ZNF385D: variants seen among roughly 807,000 people sequenced by gnomAD.
ZNF385D encodes the protein zinc finger protein 659.
ZNF385D carries 15 observed loss-of-function variants against 35.8 expected under a neutral mutation model. The ratio of observed to expected loss-of-function variants is 0.42; its 90% CI spans 0.28 to 0.64. ZNF385D has a LOEUF of 0.64. ZNF385D is among the 30% of genes least tolerant of loss of function. ZNF385D has a pLI of 0.23. For synonymous variants in ZNF385D, 212 were observed against 186.8 expected, an observed-to-expected ratio of 1.13 and a Z score of -1.10; for missense variants, 474 against 494.6, an observed-to-expected ratio of 0.96 and a Z score of 0.39.
At chr3:22,252,767 A>G (rs1700127399) in intron 2 of ZNF385D, among the ~76,000 whole-genome samples, 1 of 152,102 alleles carries the variant, frequency 6.6e-6, no homozygotes, top group Non-Finnish European at 1.5e-5. Flanking sequence ...CACATAGGCC[A>G]TAAAACATTA....
At chr3:21,474,050 A>G (rs544551966) in intron 4 of ZNF385D, among the ~76,000 whole-genome samples, 2 of 152,188 alleles carry the variant, frequency 1.3e-5, no homozygotes, top group East Asian at 3.9e-4. Context: ...TTATAAGTTC[A>G]TCCATTAAGT....
At chr3:22,353,233 T>G (rs1208090026) in intron 2 of ZNF385D, among the ~76,000 whole-genome samples, 1 of 152,070 alleles carries the variant, frequency 6.6e-6, no homozygotes, top group African/African-American at 2.4e-5. Context: ...GTCCCCCTAT[T>G]AGAAAAATGG....
chr3:21,840,988 G>T (rs1695637153), intron 3 of ZNF385D, among the ~76,000 whole-genome samples: 1 of 151,946 alleles, frequency 6.6e-6, no homozygotes, highest in South Asian at 2.1e-4. Context: ...GGTCAATTTA[G>T]CTTCCCTGAC....
intron 3 of ZNF385D, among the ~76,000 whole-genome samples, chr3:22,013,717 A>G (rs1049127447): frequency 1.3e-5 from 2 of 152,134 alleles, no homozygotes; most frequent in African/African-American, 4.8e-5. Context: ...GTCCCCTAAG[A>G]GACTGACAAA....
chr3:22,097,901 A>G (rs530965765), intron 3 of ZNF385D, among the ~76,000 whole-genome samples: 2 of 152,170 alleles, frequency 1.3e-5, no homozygotes, highest in South Asian at 4.1e-4. Context: ...CCTAGCCCAT[A>G]AGAACCTAGA....
chr3:22,086,564 G>A (rs1048145617), intron 3 of ZNF385D, among the ~76,000 whole-genome samples: 1 of 152,094 alleles, frequency 6.6e-6, no homozygotes, highest in South Asian at 2.1e-4. Flanking sequence ...ACAAAGAAAT[G>A]GAAGAACATT....
intron 3 of ZNF385D, among the ~76,000 whole-genome samples, chr3:21,759,479 G>T (rs957593702): frequency 3.3e-5 from 5 of 152,204 alleles, no homozygotes; most frequent in African/African-American, 9.7e-5. Context: ...TTGACAGACA[G>T]TGTAGGAAGT....
intron 3 of ZNF385D, among the ~76,000 whole-genome samples, chr3:22,132,595 C>A (rs1016968065): frequency 2.0e-5 from 3 of 151,900 alleles, no homozygotes; most frequent in Admixed American, 6.6e-5. Context: ...ACTATAAGAC[C>A]AATGTTTCAC....
chr3:22,026,077 T>C (rs1019744116), intron 3 of ZNF385D, among the ~76,000 whole-genome samples: 2 of 152,134 alleles, frequency 1.3e-5, no homozygotes, highest in South Asian at 2.1e-4. Flanking sequence ...TAATTAATCA[T>C]AGTGTTGCTA....
intron 3 of ZNF385D, among the ~76,000 whole-genome samples, chr3:21,776,167 T>A (rs1470379453): frequency 6.6e-6 from 1 of 151,968 alleles, no homozygotes. Flanking sequence ...CATTCTTTTA[T>A]TTTGGACACT....
chr3:21,994,294 G>A (rs572539199), intron 3 of ZNF385D, among the ~76,000 whole-genome samples: 3 of 152,290 alleles, frequency 2.0e-5, no homozygotes, highest in South Asian at 2.1e-4. Context: ...AAAGTGATAA[G>A]TTGAGATTAT....
chr3:21,455,919 A>G (rs555761852), intron 4 of ZNF385D, among the ~76,000 whole-genome samples: 2,053 of 152,208 alleles, frequency 0.013, 41 homozygotes, highest in African/African-American at 0.047. Flanking sequence ...TCAAAAAGTG[A>G]GCGAAGGATA....
At chr3:21,453,564 G>A (rs73044429) in intron 4 of ZNF385D, among the ~76,000 whole-genome samples, 42,060 of 151,776 alleles carry the variant, frequency 0.28, 6,481 homozygotes, top group East Asian at 0.43. Context: ...TATTTTAATA[G>A]ACATTTCTTG....
chr3:22,350,770 A>G lies in ZNF385D; in HGVS notation c.106+21680T>C, dbSNP rs529874304. On this transcript the variant is annotated intron_variant, in intron 2 of 5. Transcript: ENST00000494108. ...GACAGAGTGCTCCTTTTGAATGTGT[A>G]AAAGACATTCTTCTGTGGCACTAAA... 1.3e-4 allele frequency among the ~76,000 whole-genome samples: 20 copies of G among 152,232 alleles called. 1 individual carries two copies. In the South Asian group the frequency reaches 4.1e-3, roughly 32 times the overall value.
intron 4 of ZNF385D, among the ~76,000 whole-genome samples, chr3:21,464,791 A>G (rs755716668): frequency 2.8e-5 from 4 of 141,718 alleles, no homozygotes; most frequent in Non-Finnish European, 6.1e-5. Context: ...TCCCTGCAAT[A>G]ATTTCTGGAT....
At chr3:22,169,477 TTA>T (rs1437288677) in intron 2 of ZNF385D, among the ~76,000 whole-genome samples, 3 of 152,206 alleles carry the variant, frequency 2.0e-5, no homozygotes, top group Non-Finnish European at 4.4e-5. Context: ...ATGAATTAGA[TTA>T]TTTTGTTTTA....
intron 1 of ZNF385D, among the ~76,000 whole-genome samples, chr3:21,712,582 G>A (rs576779768): frequency 9.9e-5 from 15 of 152,066 alleles, no homozygotes; most frequent in East Asian, 1.9e-4. Flanking sequence ...TTGTAACACC[G>A]CTGTAAAATG....
chr3:22,224,396 T>C (rs1418628807), intron 2 of ZNF385D, among the ~76,000 whole-genome samples: 1 of 152,180 alleles, frequency 6.6e-6, no homozygotes, highest in Non-Finnish European at 1.5e-5. Context: ...ATATCTTTAG[T>C]TGAAGTATAT....
chr3:22,003,974 C>T (rs1379267961), intron 3 of ZNF385D, among the ~76,000 whole-genome samples: 1 of 151,720 alleles, frequency 6.6e-6, no homozygotes. Context: ...AAGCTGGAGG[C>T]ATCATACTAT....
Sources: allele counts gnomAD v4.1 joint callset (sites outside exome capture counted in the v4.1 genomes callset), GRCh38; gene constraint gnomAD v4.1.1; transcripts MANE v1.5; gene names NCBI Gene and HGNC (gene_info 2026-07-23, HGNC 2026-07-21).